Variants in COL23A1 observed in about 807,000 individuals in gnomAD.
COL23A1 encodes collagen type XXIII alpha 1 chain, also known as collagen alpha-1(XXIII) chain.
COL23A1 carries 97 observed loss-of-function variants against 99.3 expected under a neutral mutation model. The ratio of observed to expected loss-of-function variants is 0.98; its 90% CI spans 0.83 to 1.16. The LOEUF (loss-of-function observed/expected upper bound fraction) is 1.16. Among genes scored for constraint, COL23A1 ranks in the 50% most tolerant of loss-of-function variants. COL23A1 has a pLI of 0.00. For missense variants in COL23A1, 762 were observed against 757.4 expected, an observed-to-expected ratio of 1.01 and a Z score of -0.07; for synonymous variants, 320 against 308.2, an observed-to-expected ratio of 1.04 and a Z score of -0.40.
intron 1 of COL23A1, chr5:178,562,564 G>GAAAAAAA (rs746935339): frequency 8.6e-6 from 1 of 115,660 alleles, no homozygotes. Context: ...AATAAAAAAA[G>GAAAAAAA]AAAAAAAAAA....
rs1050920461 is a variant in COL23A1, at chr5:178,506,603, A to T, written c.361+54079T>A. ...GCTGTGGTCACTCCTGACCATATTA[A>T]CGCAATTATGTGTGGAATAAAGCAA... On this transcript the variant is annotated intron_variant, in intron 2 of 28. Coordinates refer to ENST00000390654, the MANE Select transcript of COL23A1 (RefSeq NM_173465.4). Among the ~76,000 whole-genome samples the T allele has an allele frequency of 2.6e-5, 4 of 152,114 alleles. 1 individual carries two copies. Among genetic ancestry groups the T allele is most frequent in the African/African-American group, 9.7e-5 (4 of 41,374 alleles).
intron 2 of COL23A1, among the ~76,000 whole-genome samples, chr5:178,348,320 C>T (rs555177705): frequency 8.1e-4 from 124 of 152,270 alleles, no homozygotes; most frequent in Non-Finnish European, 1.2e-3. Context: ...TGAAAAGAAC[C>T]CCTCCTCTAC....
rs146040669 is a variant in COL23A1 at position 178,318,968 on chromosome 5, C to A, written c.362-12049G>T. 3.2e-3 allele frequency among the ~76,000 whole-genome samples: 490 copies of A among 151,788 alleles called. 3 individuals carry two copies. The highest frequency in any genetic ancestry group is 0.011 in the African/African-American group (458 of 41,354). On this transcript the variant is annotated intron_variant, in intron 2 of 28. Transcript: ENST00000390654. ...CAGGTGAACCTGAATACTTAAAGAG[C>A]CTGTAGCCAGGTGAAGGCAGGTGCT...
chr5:178,369,278 C>T (rs907505567), intron 2 of COL23A1, among the ~76,000 whole-genome samples: 1 of 152,156 alleles, frequency 6.6e-6, no homozygotes, highest in African/African-American at 2.4e-5. Flanking sequence ...TTCCCCCCCA[C>T]ACCACCCTCC....
chr5:178,309,553 C>G lies in COL23A1; in HGVS notation c.362-2634G>C, dbSNP rs553169392. 1.3e-5 allele frequency among the ~76,000 whole-genome samples: 2 copies of G among 152,194 alleles called. No individual in the cohort carries two copies. Among genetic ancestry groups the G allele is most frequent in the East Asian group, 3.9e-4 (2 of 5,172 alleles). The stretch of plus-strand genomic sequence containing the variant: ...CTTGCAGATGGACAAGCGGTCTACC[C>G]TTTATTCTGAGCTCTGTACCTAAAT... On this transcript the variant is annotated intron_variant, in intron 2 of 28. Coordinates refer to ENST00000390654, the MANE Select transcript of COL23A1 (RefSeq NM_173465.4). This position sits in a 1 kb window ranked among gnomAD's most constrained non-coding sequence, Gnocchi z 4.7.
intron 2 of COL23A1, among the ~76,000 whole-genome samples, chr5:178,470,008 G>C (rs535377668): frequency 2.6e-5 from 4 of 152,320 alleles, no homozygotes; most frequent in Admixed American, 6.5e-5. Context: ...ACCGGTGCAA[G>C]CAGTCACTCT....
At chr5:178,329,270 G>T (rs887620558) in intron 2 of COL23A1, among the ~76,000 whole-genome samples, 1 of 152,192 alleles carries the variant, frequency 6.6e-6, no homozygotes, top group African/African-American at 2.4e-5. Flanking sequence ...ATGGAAATCC[G>T]CTTTGTCTGA....
chr5:178,276,255 T>G (rs1756579084), intron 5 of COL23A1, among the ~76,000 whole-genome samples: 1 of 147,912 alleles, frequency 6.8e-6, no homozygotes, highest in Admixed American at 6.8e-5. Flanking sequence ...CTCCAGCATC[T>G]GCTGAACTGA....
At chr5:178,373,779 A>T (rs1762924763) in intron 2 of COL23A1, among the ~76,000 whole-genome samples, 1 of 152,204 alleles carries the variant, frequency 6.6e-6, no homozygotes, top group Non-Finnish European at 1.5e-5. Flanking sequence ...CATAATCCTG[A>T]CATGCTGCTC....
chr5:178,568,259 C>A (rs1762929012), intron 1 of COL23A1, among the ~76,000 whole-genome samples: 1 of 151,984 alleles, frequency 6.6e-6, no homozygotes, highest in African/African-American at 2.4e-5. Context: ...AAGAAGACAG[C>A]ACAATCAAAT....
intron 2 of COL23A1, among the ~76,000 whole-genome samples, chr5:178,399,395 T>C (rs1035624424): frequency 2.6e-5 from 4 of 152,340 alleles, no homozygotes; most frequent in African/African-American, 9.6e-5. Context: ...GATCCAGCCA[T>C]GGCTGAAGCT....
chr5:178,257,572 G>A lies in COL23A1; in HGVS notation c.730-5C>T. The A allele has an allele frequency of 5.8e-6, 9 of 1,556,462 alleles. No homozygotes were observed. Among genetic ancestry groups the A allele is most frequent in the Non-Finnish European group, 7.8e-6 (9 of 1,150,118 alleles). On this transcript the variant is annotated splice_region_variant and splice_polypyrimidine_tract_variant and intron_variant, in intron 12 of 28. Coordinates refer to ENST00000390654, the MANE Select transcript of COL23A1 (RefSeq NM_173465.4). The stretch of plus-strand genomic sequence containing the variant: ...GCTTGGTGTCCCATCGTCGCCCTGA[G>A]GAGAGGACACCTGGGGCTTGCCGGT...
At chr5:178,450,649 A>G (rs1767436276) in intron 2 of COL23A1, among the ~76,000 whole-genome samples, 1 of 152,226 alleles carries the variant, frequency 6.6e-6, no homozygotes, top group South Asian at 2.1e-4. Context: ...CTAACACACC[A>G]TGGGTGGCTG....
intron 2 of COL23A1, among the ~76,000 whole-genome samples, chr5:178,376,256 G>A (rs754156083): frequency 2.6e-5 from 4 of 152,222 alleles, no homozygotes; most frequent in Non-Finnish European, 4.4e-5. Context: ...CATCGGATCC[G>A]GGTTTCCGTC....
chr5:178,549,799 G>C (rs2113456849), intron 2 of COL23A1, among the ~76,000 whole-genome samples: 1 of 151,940 alleles, frequency 6.6e-6, no homozygotes, highest in Admixed American at 6.6e-5. Flanking sequence ...TGGACAACAA[G>C]AGCAGAATCC....
chr5:178,241,911 T>C, intron 27 of COL23A1, 131 bp downstream of exon 27: 2 of 675,056 alleles, frequency 3.0e-6, no homozygotes, highest in South Asian at 3.7e-5. Flanking sequence ...GCCCTGACAG[T>C]GAGGAAGGCC....
Position 178,255,055 on chromosome 5 carries a change from A to C in COL23A1, c.883-29T>G. Reference sequence around the variant, plus strand: ...AGGCAGGAAGAAGAGTAAGAATTTCAGGGAAGAGCTACACTGAGTTGGAGG... The same window carrying C: ...AGGCAGGAAGAAGAGTAAGAATTTCCGGGAAGAGCTACACTGAGTTGGAGG... On this transcript the variant is annotated intron_variant, in intron 15 of 28. Transcript: ENST00000390654. The surrounding 1 kb of genome is among the most constrained non-coding windows in gnomAD (Gnocchi z 4.2). The C allele has an allele frequency of 8.2e-6, 13 of 1,581,802 alleles. No homozygotes were observed. The highest frequency in any genetic ancestry group is 1.0e-5 in the Non-Finnish European group (12 of 1,151,244).
chr5:178,256,138 C>CT (rs1290053042), intron 15 of COL23A1, among the ~76,000 whole-genome samples: 2 of 152,210 alleles, frequency 1.3e-5, no homozygotes, highest in African/African-American at 4.8e-5. Flanking sequence ...GGTCAGGACT[C>CT]TTATTTTTGT....
At chr5:178,311,509 CGTGTGTGT>C (rs958348391) in intron 2 of COL23A1, among the ~76,000 whole-genome samples, 2 of 27,176 alleles carry the variant, frequency 7.4e-5, no homozygotes, top group Non-Finnish European at 3.2e-4. Context: ...TGTGTGTGCG[CGTGTGTGT>C]GTGTGTGTGT....
Sources: allele counts gnomAD v4.1 joint callset (sites outside exome capture counted in the v4.1 genomes callset), GRCh38; gene constraint gnomAD v4.1.1; non-coding constraint Gnocchi (gnomAD v3.1); transcripts MANE v1.5; gene names NCBI Gene and HGNC (gene_info 2026-07-23, HGNC 2026-07-21).